CD36: variants seen among roughly 807,000 people sequenced by gnomAD.
CD36 encodes platelet glycoprotein 4.
Under a neutral mutation model 55.2 loss-of-function variants are expected in CD36, and 119 were observed. That is an observed-to-expected ratio of 2.15 (90% CI 1.86 to 2.51). The LOEUF (loss-of-function observed/expected upper bound fraction) is 2.51. Ranked by LOEUF, CD36 falls within the 30% of genes most tolerant of loss-of-function variation. The probability of loss-of-function intolerance (pLI) is 0.00; values close to 1 mark genes in which losing one functional copy is unlikely to be tolerated. For missense variants in CD36, 819 were observed against 555.5 expected (o/e 1.47, Z -4.77); for synonymous variants, 186 against 193.6 (o/e 0.96, Z 0.33).
chr7:80,619,612 A>T (rs979251450), intron 1 of CD36, among the ~76,000 whole-genome samples: 3 of 144,560 alleles, frequency 2.1e-5, no homozygotes, highest in Middle Eastern at 3.8e-3. Flanking sequence ...GCACCAGTGC[A>T]CTCCAGCCTG....
chr7:80,673,428 T>TAGTC lies in CD36; in HGVS notation c.1254+21_1254+24dup. 2 of 1,480,766 alleles carry TAGTC rather than the reference T, an allele frequency of 1.4e-6. No homozygotes were observed. The highest frequency in any genetic ancestry group is 1.9e-6 in the Non-Finnish European group (2 of 1,059,346). The allele number at this position is 1,480,766 out of a possible 1,614,324, so 91.7% of individuals were successfully genotyped here. A position where few individuals can be genotyped will look rare whatever the true frequency, so the allele number is the denominator to read the frequency against. ...TAATGAGGTTTGTATTTGCAGCTGT[T>TAGTC]AGTCATTAAAAACAACCTTCTTTGT... is the stretch of plus-strand genomic sequence containing the variant. On this transcript the variant is annotated intron_variant, in intron 13 of 14. Coordinates refer to ENST00000447544, the MANE Select transcript of CD36 (RefSeq NM_001001548.3).
rs1321567845 is a variant in CD36, at chr7:80,679,166, A to G, written c.*2783A>G. On this transcript the variant is annotated 3_prime_UTR_variant, in exon 15 of 15. Coordinates refer to ENST00000447544, the MANE Select transcript of CD36 (RefSeq NM_001001548.3). ...AATGAACTAAAACTGAGTTATGTTT[A>G]ATATTTGTATCAAATACATAAAAGG... The G allele has an allele frequency of 6.6e-6, 1 of 152,166 alleles. No homozygotes were observed. The highest frequency in any genetic ancestry group is 1.5e-5 in the Non-Finnish European group (1 of 68,028). 9.4% of individuals were successfully genotyped at this position (152,166 alleles called of 1,614,324 possible).
intron 7 of CD36, among the ~76,000 whole-genome samples, chr7:80,665,133 G>A (rs1310237164): frequency 6.6e-6 from 1 of 150,926 alleles, no homozygotes; most frequent in Non-Finnish European, 1.5e-5. Flanking sequence ...TACAAAATGT[G>A]AAAATGAAGA....
intron 1 of CD36, among the ~76,000 whole-genome samples, chr7:80,626,867 T>A (rs938802267): frequency 1.5e-4 from 23 of 152,112 alleles, no homozygotes; most frequent in African/African-American, 5.3e-4. Flanking sequence ...TTCTGTTGTT[T>A]TACATGCTAA....
intron 6 of CD36, 91 bp from the exon 7 acceptor site, chr7:80,664,315 A>C: frequency 1.3e-6 from 1 of 761,136 alleles, no homozygotes. Context: ...TTGAGTAACC[A>C]GTGATTGAGA....
intron 1 of CD36, among the ~76,000 whole-genome samples, chr7:80,603,971 T>C (rs753070952): frequency 2.6e-5 from 4 of 152,118 alleles, no homozygotes; most frequent in Admixed American, 6.6e-5. Flanking sequence ...CTGATATTCT[T>C]AGTATTTACA....
rs62461725 is a variant in CD36 at position 80,667,341 on chromosome 7, G to A, written c.748+852G>A. ...GCTACTTGGGAGGCTGAGGCAGGAG[G>A]ATCACTTGATTCCAGGAGGTGGAGG... On this transcript the variant is annotated intron_variant, in intron 8 of 14. Coordinates refer to ENST00000447544, the MANE Select transcript of CD36 (RefSeq NM_001001548.3). Among the ~76,000 whole-genome samples the A allele has an allele frequency of 2.4e-3, 350 of 148,772 alleles. 1 individual carries two copies. The highest frequency in any genetic ancestry group is 3.7e-3 in the Non-Finnish European group (251 of 67,640).
intron 3 of CD36, among the ~76,000 whole-genome samples, chr7:80,654,765 G>A (rs1481449614): frequency 6.6e-6 from 1 of 151,880 alleles, no homozygotes; most frequent in Non-Finnish European, 1.5e-5. Context: ...ATTTTAACTT[G>A]GTGCCCAGTT....
At chr7:80,610,613 C>T (rs1010058617) in intron 1 of CD36, among the ~76,000 whole-genome samples, 23 of 152,178 alleles carry the variant, frequency 1.5e-4, no homozygotes, top group African/African-American at 4.3e-4. Flanking sequence ...TGCTCTGTCT[C>T]GCCCAGGCTG....
intron 4 of CD36, among the ~76,000 whole-genome samples, chr7:80,657,441 C>T (rs1562802962): frequency 6.6e-6 from 1 of 152,128 alleles, no homozygotes; most frequent in Non-Finnish European, 1.5e-5. Flanking sequence ...TTATATCTTT[C>T]CTCTGCCTTC....
intron 1 of CD36, among the ~76,000 whole-genome samples, chr7:80,629,403 G>A (rs772975415): frequency 3.3e-5 from 5 of 152,020 alleles, no homozygotes; most frequent in Non-Finnish European, 5.9e-5. Context: ...CTGGGCAAAT[G>A]TATGTCCTAT....
At chr7:80,649,631 G>A (rs1335868940) in intron 3 of CD36, among the ~76,000 whole-genome samples, 1 of 151,942 alleles carries the variant, frequency 6.6e-6, no homozygotes, top group African/African-American at 2.4e-5. Context: ...AAGTAAAACA[G>A]AGGTTTTATA....
intron 10 of CD36, among the ~76,000 whole-genome samples, chr7:80,671,367 A>G (rs1797662138): frequency 6.6e-6 from 1 of 152,200 alleles, no homozygotes; most frequent in Non-Finnish European, 1.5e-5. Context: ...AGAAGAAAGA[A>G]TGGTGGCAGA....
chr7:80,674,435 TC>T lies in CD36; in HGVS notation c.*289del, dbSNP rs1798066039. 8.2e-6 allele frequency: 3 copies of T among 363,648 alleles called. No individual in the cohort carries two copies. In the South Asian group the frequency reaches 8.4e-5, roughly 10 times the overall value. The allele number at this position is 363,648 out of a possible 1,614,324, so 22.5% of individuals were successfully genotyped here. A position where few individuals can be genotyped will look rare whatever the true frequency, so the allele number is the denominator to read the frequency against. ...GTTGTCCAAAATTGACTGGTTCATT[TC>T]TCAATTATATAGCTAGTTATATATT... On this transcript the variant is annotated intron_variant, in intron 14 of 14. Coordinates refer to ENST00000447544, the MANE Select transcript of CD36 (RefSeq NM_001001548.3).
intron 1 of CD36, among the ~76,000 whole-genome samples, chr7:80,628,112 A>G (rs1275691673): frequency 6.6e-6 from 1 of 152,064 alleles, no homozygotes; most frequent in Non-Finnish European, 1.5e-5. Flanking sequence ...GGAATAAACA[A>G]AGGTACTTCC....
At chr7:80,647,258 C>CTGTG (rs3138813) in intron 3 of CD36, 4,484 of 204,624 alleles carry the variant, frequency 0.022, 85 homozygotes, top group African/African-American at 0.05. Flanking sequence ...AAAAGTAAAA[C>CTGTG]TGTGTGTGTG....
At chr7:80,653,303 G>A (rs1020147164) in intron 3 of CD36, among the ~76,000 whole-genome samples, 4 of 152,174 alleles carry the variant, frequency 2.6e-5, no homozygotes, top group Admixed American at 6.6e-5. Context: ...TACTCCATGC[G>A]TAGCAAAGTA....
intron 1 of CD36, among the ~76,000 whole-genome samples, chr7:80,640,278 T>G (rs1794718565): frequency 6.6e-6 from 1 of 152,042 alleles, no homozygotes; most frequent in Admixed American, 6.6e-5. Context: ...TCTAACTATT[T>G]TGCAAATACT....
intron 6 of CD36, among the ~76,000 whole-genome samples, chr7:80,663,814 G>A (rs2116707897): frequency 1.3e-5 from 2 of 152,128 alleles, no homozygotes; most frequent in East Asian, 3.9e-4. Flanking sequence ...ACTTCATTTG[G>A]CACTATATGT....
Sources: allele counts gnomAD v4.1 joint callset (sites outside exome capture counted in the v4.1 genomes callset), GRCh38; gene constraint gnomAD v4.1.1; transcripts MANE v1.5; gene names NCBI Gene and HGNC (gene_info 2026-07-23, HGNC 2026-07-21).